The following FSTL5 variants were observed in gnomAD, a reference collection of about 807,000 sequenced individuals.
FSTL5 encodes the protein follistatin like 5.
Under a neutral mutation model 89.1 loss-of-function variants are expected in FSTL5, and 62 were observed. That is an observed-to-expected ratio of 0.70 (90% CI 0.57 to 0.86). The LOEUF (loss-of-function observed/expected upper bound fraction) is 0.86. Ranked by LOEUF, FSTL5 falls within the 40% of genes least tolerant of loss-of-function variation. The pLI, the probability that FSTL5 is intolerant of heterozygous loss-of-function variation, is 0.00. For synonymous variants in FSTL5, 383 were observed against 346.2 expected, an observed-to-expected ratio of 1.11 and a Z score of -1.18; for missense variants, 1,057 against 1,001.6, an observed-to-expected ratio of 1.06 and a Z score of -0.75.
At chr4:161,556,660 C>T (rs975610227) in intron 8 of FSTL5, among the ~76,000 whole-genome samples, 3 of 151,068 alleles carry the variant, frequency 2.0e-5, no homozygotes, top group African/African-American at 7.3e-5. Flanking sequence ...ATCTTTTCAA[C>T]AGAGTAGATG....
At chr4:161,730,278 T>C (rs930258706) in intron 6 of FSTL5, among the ~76,000 whole-genome samples, 2 of 152,110 alleles carry the variant, frequency 1.3e-5, no homozygotes, top group African/African-American at 4.8e-5. Flanking sequence ...TAATAAAATA[T>C]AGTGTCAAAG....
At chr4:161,503,852 A>G (rs1730386161) in intron 11 of FSTL5, among the ~76,000 whole-genome samples, 1 of 152,042 alleles carries the variant, frequency 6.6e-6, no homozygotes, top group African/African-American at 2.4e-5. Flanking sequence ...TAATATAAAG[A>G]CTTTATTGAG....
At chr4:161,758,596 G>GCAACCTC (rs1740662802) in intron 6 of FSTL5, among the ~76,000 whole-genome samples, 1 of 152,078 alleles carries the variant, frequency 6.6e-6, no homozygotes, top group Admixed American at 6.6e-5. Flanking sequence ...TTGGCTCACT[G>GCAACCTC]CAACCTCCGC....
chr4:161,733,890 T>C (rs1248779652), intron 6 of FSTL5, among the ~76,000 whole-genome samples: 1 of 152,062 alleles, frequency 6.6e-6, no homozygotes, highest in Non-Finnish European at 1.5e-5. Context: ...AGACTAAACC[T>C]TATATTTAGA....
At chr4:161,530,081 G>C (rs28605169) in intron 10 of FSTL5, among the ~76,000 whole-genome samples, 4,431 of 142,572 alleles carry the variant, frequency 0.031, 603 homozygotes, top group African/African-American at 0.1. Flanking sequence ...TCATTCTATA[G>C]AAATAGAAAG....
intron 6 of FSTL5, among the ~76,000 whole-genome samples, chr4:161,687,331 A>G (rs1737781463): frequency 6.6e-6 from 1 of 152,158 alleles, no homozygotes; most frequent in Non-Finnish European, 1.5e-5. Flanking sequence ...CTTCTCATAT[A>G]AGACCCATCT....
At chr4:161,576,234 G>A (rs1733203860) in intron 8 of FSTL5, among the ~76,000 whole-genome samples, 1 of 152,080 alleles carries the variant, frequency 6.6e-6, no homozygotes, top group Non-Finnish European at 1.5e-5. Flanking sequence ...CATGAAAATG[G>A]CCATACTGCC....
chr4:161,812,692 G>A (rs1425491926), intron 4 of FSTL5, among the ~76,000 whole-genome samples: 7 of 151,962 alleles, frequency 4.6e-5, no homozygotes, highest in Admixed American at 4.6e-4. Context: ...GGCTTCCAAA[G>A]GTGAATGCCA....
Position 161,476,173 on chromosome 4 carries a change from G to GTTTTTTTTT in FSTL5, c.1608+4838_1608+4846dup. 1.2e-3 allele frequency among the ~76,000 whole-genome samples: 94 copies of GTTTTTTTTT among 80,476 alleles called. 1 individual carries two copies. The highest frequency in any genetic ancestry group is 2.3e-3 in the East Asian group (5 of 2,134). The allele number at this position is 80,476 out of a possible 152,430, so 52.8% of individuals were successfully genotyped here. A position where few individuals can be genotyped will look rare whatever the true frequency, so the allele number is the denominator to read the frequency against. The stretch of plus-strand genomic sequence containing the variant: ...TTCTTCTCCTTCTTCAAGTTTGCTG[G>GTTTTTTTTT]TTTTTTTTTTTTTTTGTTTGTTTGT... On this transcript the variant is annotated intron_variant, in intron 13 of 15. Transcript: ENST00000306100.
chr4:161,595,884 T>C (rs1252711963), intron 7 of FSTL5, among the ~76,000 whole-genome samples: 2 of 151,698 alleles, frequency 1.3e-5, no homozygotes, highest in Admixed American at 6.6e-5. Flanking sequence ...TTCTAAATTG[T>C]ATGGTACCAA....
At chr4:161,478,892 C>A (rs926730997) in intron 13 of FSTL5, among the ~76,000 whole-genome samples, 9 of 152,046 alleles carry the variant, frequency 5.9e-5, no homozygotes, top group African/African-American at 1.9e-4. Context: ...CAGCTACAAA[C>A]AAAATGATCT....
intron 4 of FSTL5, among the ~76,000 whole-genome samples, chr4:161,811,061 T>A (rs1369125): frequency 1.3e-5 from 2 of 152,022 alleles, no homozygotes; most frequent in Non-Finnish European, 2.9e-5. Context: ...TTATTATAGA[T>A]AGTGACTATA....
At chr4:161,954,733 A>T (rs1285709136) in intron 3 of FSTL5, among the ~76,000 whole-genome samples, 4 of 151,578 alleles carry the variant, frequency 2.6e-5, no homozygotes, top group Non-Finnish European at 5.9e-5. Flanking sequence ...TACCAAACAC[A>T]TTGCATGCAT....
chr4:161,865,472 C>T (rs1732054577), intron 4 of FSTL5, among the ~76,000 whole-genome samples: 1 of 152,110 alleles, frequency 6.6e-6, no homozygotes, highest in Non-Finnish European at 1.5e-5. Context: ...TGCATGAAAG[C>T]ACCTACTATT....
chr4:162,120,670 A>G (rs1485285241), intron 1 of FSTL5, among the ~76,000 whole-genome samples: 1 of 152,066 alleles, frequency 6.6e-6, no homozygotes, highest in African/African-American at 2.4e-5. Context: ...GTTATCACAA[A>G]AAGTGAAGTT....
chr4:161,758,749 C>T (rs1424137139), intron 6 of FSTL5, among the ~76,000 whole-genome samples: 2 of 152,118 alleles, frequency 1.3e-5, no homozygotes, highest in African/African-American at 4.8e-5. Context: ...AACTCCTGAC[C>T]TCAGGTGATC....
intron 6 of FSTL5, among the ~76,000 whole-genome samples, chr4:161,676,112 T>C (rs968398114): frequency 1.3e-5 from 2 of 152,110 alleles, no homozygotes; most frequent in Admixed American, 6.6e-5. Flanking sequence ...AGCTATATCA[T>C]AGAAACCTTG....
intron 6 of FSTL5, among the ~76,000 whole-genome samples, chr4:161,749,518 C>T (rs966207016): frequency 6.6e-6 from 1 of 152,118 alleles, no homozygotes; most frequent in African/African-American, 2.4e-5. Flanking sequence ...AGATAATAGG[C>T]CCGGCGCGGT....
rs1729491925 is a variant in FSTL5, at chr4:161,481,171, T to C, written c.1459-2A>G. 2 of 1,591,798 alleles carry C rather than the reference T, an allele frequency of 1.3e-6. No homozygotes were observed. The highest frequency in any genetic ancestry group is 1.3e-5 in the African/African-American group (1 of 74,122). ...CTCAGCTTTGGGACAGACTTCATCC[T>C]GTAATTTAGGAAAGAGAAAATGAAA... On this transcript the variant is annotated splice_acceptor_variant, in intron 12 of 15. Transcript: ENST00000306100. LOFTEE classifies it high-confidence loss of function.
Sources: gnomAD v4.1 joint callset for allele counts (sites outside exome capture counted in the v4.1 genomes callset) on GRCh38, gnomAD v4.1.1 for gene constraint, MANE v1.5 for transcripts, NCBI Gene and HGNC (gene_info 2026-07-23, HGNC 2026-07-21) for gene names.